Variants in HCN2 observed in about 807,000 individuals in gnomAD.
HCN2 encodes potassium/sodium hyperpolarization-activated cyclic nucleotide-gated channel 2.
In HCN2, 20 loss-of-function variants were observed where a neutral mutation model predicts 52.3. The observed-to-expected ratio is 0.38, with a 90% confidence interval of 0.27 to 0.56. The LOEUF is 0.56. Ranked by LOEUF, HCN2 falls within the 20% of genes least tolerant of loss-of-function variation. The pLI, the probability that HCN2 is intolerant of heterozygous loss-of-function variation, is 0.71. For missense variants in HCN2, 981 were observed against 1,207.7 expected, an observed-to-expected ratio of 0.81 and a Z score of 2.78; for synonymous variants, 694 against 537.0, an observed-to-expected ratio of 1.29 and a Z score of -4.04.
rs1228014006 is a variant in HCN2, at chr19:591,575, G to A, written c.632+998G>A. ...GATGCGTGTGTGTTTGTGTATCCAC[G>A]AGTGGGGTGTGAGGTGGGGTGTGGA... On this transcript the variant is annotated intron_variant, in intron 1 of 7. Transcript: ENST00000251287. This position sits in a 1 kb window ranked among gnomAD's most constrained non-coding sequence, Gnocchi z 4.1. 6.6e-6 allele frequency among the ~76,000 whole-genome samples: 1 copy of A among 152,104 alleles called. No homozygotes were observed. The highest frequency in any genetic ancestry group is 1.5e-5 in the Non-Finnish European group (1 of 67,974).
rs865910456 is a variant in HCN2 at position 616,508 on chromosome 19, C to T, written c.*34C>T. 173 of 1,182,434 alleles carry T rather than the reference C, an allele frequency of 1.5e-4. No individual in the cohort carries two copies. The highest frequency in any genetic ancestry group is 1.4e-3 in the Middle Eastern group (4 of 2,810). 73.2% of individuals were successfully genotyped at this position (1,182,434 alleles called of 1,614,324 possible). A position where few individuals can be genotyped will look rare whatever the true frequency, so the allele number is the denominator to read the frequency against. ...GACCGCCCCGCGGGCCCAGGCGGGC[C>T]GGGGGCGGGGCCGTCATCCAGACCA... On this transcript the variant is annotated 3_prime_UTR_variant, in exon 8 of 8. Coordinates refer to ENST00000251287, the MANE Select transcript of HCN2 (RefSeq NM_001194.4).
At chr19:609,856 C>T (rs746714062) in intron 4 of HCN2, among the ~76,000 whole-genome samples, 1 of 152,166 alleles carries the variant, frequency 6.6e-6, no homozygotes, top group African/African-American at 2.4e-5. Context: ...GCTGTGATTG[C>T]ACCACTGCAC....
In HCN2 at chr19:616,462, G is replaced by A. The variant is rs1311903615; in HGVS notation, c.2658G>A (p.Ser886=). ...DPQDSARSRL[S]SNL is the part of the protein sequence containing the mutation. ...AGGACTCCGCGCGCTCGCGCCTCTCGTCCAACTTGTGACCCTCGCCGACCG... is the reference window on the plus strand; with the variant it reads ...AGGACTCCGCGCGCTCGCGCCTCTCATCCAACTTGTGACCCTCGCCGACCG... Residue 886 remains serine, a synonymous_variant, in exon 8 of 8, where the codon TCG becomes TCA. Coordinates refer to ENST00000251287, the MANE Select transcript of HCN2 (RefSeq NM_001194.4). The A allele has an allele frequency of 4.1e-5, 50 of 1,233,760 alleles. No homozygotes were observed. The highest frequency in any genetic ancestry group is 9.2e-5 in the Admixed American group (2 of 21,846). The allele number at this position is 1,233,760 out of a possible 1,614,324, so 76.4% of individuals were successfully genotyped here.
In HCN2 at chr19:616,556, C is replaced by T. The variant is rs954798485; in HGVS notation, c.*82C>T. On this transcript the variant is annotated 3_prime_UTR_variant, in exon 8 of 8. Coordinates refer to ENST00000251287, the MANE Select transcript of HCN2 (RefSeq NM_001194.4). ...CCAAAGCCATGCCATTGCGCTGCCCCGGCCGCCAGTCCGCCCAGAAGCCAT... is the reference window on the plus strand; with the variant it reads ...CCAAAGCCATGCCATTGCGCTGCCCTGGCCGCCAGTCCGCCCAGAAGCCAT... The T allele has an allele frequency of 5.1e-5, 42 of 824,098 alleles. 1 individual carries two copies. The South Asian group carries it at 5.2e-4, about 10-fold the overall frequency. 51.0% of individuals were successfully genotyped at this position (824,098 alleles called of 1,614,324 possible).
intron 1 of HCN2, among the ~76,000 whole-genome samples, chr19:600,412 C>G (rs1382558711): frequency 6.6e-6 from 1 of 152,110 alleles, no homozygotes; most frequent in African/African-American, 2.4e-5. Context: ...GTGATCTCAG[C>G]TCACTGCAAC....
chr19:609,159 C>G (rs1983521418), intron 4 of HCN2, among the ~76,000 whole-genome samples: 1 of 152,186 alleles, frequency 6.6e-6, no homozygotes, highest in Non-Finnish European at 1.5e-5. Context: ...CAAACATAAG[C>G]TGGTGCCACC....
chr19:609,212 C>T (rs921559884), intron 4 of HCN2, among the ~76,000 whole-genome samples: 3 of 152,156 alleles, frequency 2.0e-5, no homozygotes, highest in African/African-American at 4.8e-5. Context: ...AGGGCAGCTG[C>T]GGCCGGGCGG....
intron 2 of HCN2, 89 bp from the exon 3 acceptor site, chr19:604,972 C>A: frequency 7.3e-7 from 1 of 1,362,632 alleles, no homozygotes; most frequent in Non-Finnish European, 9.9e-7. Context: ...GGGCCAGGAG[C>A]TCCCGCAGTG....
Position 613,821 on chromosome 19 carries a change from C to G in HCN2, c.1826-31C>G, listed in dbSNP as rs199630753. 394 of 1,483,784 alleles carry G rather than the reference C, an allele frequency of 2.7e-4. 1 individual carries two copies. The East Asian group carries it at 8.2e-3, about 31-fold the overall frequency. The allele number at this position is 1,483,784 out of a possible 1,614,324, so 91.9% of individuals were successfully genotyped here. A position where few individuals can be genotyped will look rare whatever the true frequency, so the allele number is the denominator to read the frequency against. On this transcript the variant is annotated intron_variant, in intron 6 of 7. Coordinates refer to ENST00000251287, the MANE Select transcript of HCN2 (RefSeq NM_001194.4). ...GGGAGGGCCGCGGCGCCCGCCTCGT[C>G]CAGCAACCCCCCCCTGCGCGCCACG...
chr19:602,803 G>A (rs1231421012), intron 1 of HCN2, among the ~76,000 whole-genome samples: 1 of 152,244 alleles, frequency 6.6e-6, no homozygotes, highest in Non-Finnish European at 1.5e-5. Context: ...GCATCTTCAA[G>A]GACACGGGGT....
rs1216166900 is a variant in HCN2 at position 592,485 on chromosome 19, G to A, written c.632+1908G>A. Among the ~76,000 whole-genome samples the A allele has an allele frequency of 6.6e-6, 1 of 152,158 alleles. No homozygotes were observed. The highest frequency in any genetic ancestry group is 2.4e-5 in the African/African-American group (1 of 41,430). ...GGTCGCCTGGAGGCCTGGGCAGGCT[G>A]TGGCCCCGCTCTGTGCTCTGAGGCA... On this transcript the variant is annotated intron_variant, in intron 1 of 7. Transcript: ENST00000251287. The surrounding 1 kb of genome is among the most constrained non-coding windows in gnomAD (Gnocchi z 4.8).
At chr19:612,401 T>G (rs1233525679) in intron 5 of HCN2, among the ~76,000 whole-genome samples, 4 of 51,460 alleles carry the variant, frequency 7.8e-5, no homozygotes, top group African/African-American at 1.9e-4. Context: ...CTGGTGTGTG[T>G]GTGTGTGTGT....
In HCN2 at chr19:617,091, C is replaced by T. The variant is rs888751264; in HGVS notation, c.*617C>T. 5 of 582,142 alleles carry T rather than the reference C, an allele frequency of 8.6e-6. No homozygotes were observed. Among genetic ancestry groups the T allele is most frequent in the South Asian group, 5.7e-5 (3 of 52,546 alleles). The allele number at this position is 582,142 out of a possible 1,614,324, so 36.1% of individuals were successfully genotyped here. On this transcript the variant is annotated 3_prime_UTR_variant, in exon 8 of 8. Coordinates refer to ENST00000251287, the MANE Select transcript of HCN2 (RefSeq NM_001194.4). The stretch of plus-strand genomic sequence containing the variant: ...CGAGCCGAGGCAGCAGTGCCCCCAC[C>T]GTGGCCCCCCACGCCCCATTAACCC...
At chr19:595,865 CT>C (rs1189080909) in intron 1 of HCN2, among the ~76,000 whole-genome samples, 4 of 152,260 alleles carry the variant, frequency 2.6e-5, no homozygotes, top group Non-Finnish European at 2.9e-5. Context: ...CCTCCGGCCC[CT>C]AATCCTCTCC....
chr19:612,147 A>AG (rs1983664393), intron 5 of HCN2, among the ~76,000 whole-genome samples: 1 of 151,612 alleles, frequency 6.6e-6, no homozygotes, highest in Admixed American at 6.6e-5. Flanking sequence ...TCCGTCTCAA[A>AG]AAAAAAAAAA....
At chr19:613,155 T>TGGGGTCCGAGAGGTGAG in intron 5 of HCN2, 93 bp from the exon 6 acceptor site, 3 of 1,447,860 alleles carry the variant, frequency 2.1e-6, no homozygotes, top group Non-Finnish European at 2.8e-6. Context: ...ACGAGGAAAC[T>TGGGGTCCGAGAGGTGAG]GGGGTCCGAG....
intron 1 of HCN2, among the ~76,000 whole-genome samples, chr19:594,395 C>A (rs927769295): frequency 4.6e-5 from 7 of 152,194 alleles, no homozygotes; most frequent in Non-Finnish European, 8.8e-5. Flanking sequence ...GCCCTGCCGT[C>A]TCCTGCTGCT....
intron 5 of HCN2, among the ~76,000 whole-genome samples, chr19:610,907 C>T (rs917599775): frequency 6.6e-5 from 10 of 151,888 alleles, no homozygotes; most frequent in African/African-American, 2.4e-4. Context: ...GTGGGCCGGG[C>T]CGTGCTACCC....
At chr19:612,393 GGTGTGTGTGTGT>G (rs140326049) in intron 5 of HCN2, among the ~76,000 whole-genome samples, 39 of 141,764 alleles carry the variant, frequency 2.8e-4, no homozygotes, top group South Asian at 1.2e-3. Context: ...GCTTTCCACT[GGTGTGTGTGTGT>G]GTGTGTGTGT....
Sources: gnomAD v4.1 joint callset for allele counts (sites outside exome capture counted in the v4.1 genomes callset) on GRCh38, gnomAD v4.1.1 for gene constraint, Gnocchi (gnomAD v3.1) non-coding constraint, MANE v1.5 for transcripts, NCBI Gene and HGNC (gene_info 2026-07-23, HGNC 2026-07-21) for gene names.